Variants in TRPC5 observed in about 807,000 individuals in gnomAD.
TRPC5 encodes the protein short transient receptor potential channel 5.
A neutral mutation model predicts 56.5 loss-of-function variants in TRPC5; 9 were observed. The ratio of observed to expected loss-of-function variants is 0.16; its 90% CI spans 0.10 to 0.28. The LOEUF is 0.28. TRPC5 is among the 10% of genes least tolerant of loss of function. The pLI, the probability that TRPC5 is intolerant of heterozygous loss-of-function variation, is 1.00. For missense variants in TRPC5, 469 were observed against 748.9 expected (o/e 0.63, Z 4.36); for synonymous variants, 282 against 278.5 (o/e 1.01, Z -0.13).
intron 1 of TRPC5, among the ~76,000 whole-genome samples, chrX:111,998,682 T>C (rs1928611746): frequency 9.0e-6 from 1 of 111,623 alleles, no homozygotes; most frequent in African/African-American, 3.3e-5. Flanking sequence ...GGGTCAGAAA[T>C]ACAGTATTCA....
intron 1 of TRPC5, among the ~76,000 whole-genome samples, chrX:112,067,581 C>G (rs935076231): frequency 9.0e-6 from 1 of 111,506 alleles, no homozygotes; most frequent in African/African-American, 3.3e-5. Context: ...CCGTATCTGT[C>G]TGGAGGCTAC....
At chrX:112,071,776 A>T (rs1482986292) in intron 1 of TRPC5, among the ~76,000 whole-genome samples, 1 of 112,190 alleles carries the variant, frequency 8.9e-6, no homozygotes, top group Non-Finnish European at 1.9e-5. Context: ...ACACCAAAAC[A>T]GATGGTAGGC....
At chrX:111,818,492 A>G (rs1207327156) in intron 7 of TRPC5, among the ~76,000 whole-genome samples, 2 of 111,664 alleles carry the variant, frequency 1.8e-5, no homozygotes, top group Admixed American at 9.5e-5. Context: ...AGCCTGGCAC[A>G]AAGTAGGTGT....
At chrX:111,817,298 A>T (rs1266555986) in intron 7 of TRPC5, among the ~76,000 whole-genome samples, 5 of 107,109 alleles carry the variant, frequency 4.7e-5, no homozygotes, top group African/African-American at 1.7e-4. Context: ...TTTTCCTAGC[A>T]CATTCACATA....
intron 1 of TRPC5, among the ~76,000 whole-genome samples, chrX:112,006,357 C>A (rs1253478034): frequency 8.9e-6 from 1 of 111,833 alleles, no homozygotes; most frequent in African/African-American, 3.3e-5. Flanking sequence ...GTAACTAATA[C>A]TTATTTAGTG....
intron 7 of TRPC5, among the ~76,000 whole-genome samples, chrX:111,818,332 AT>A (rs1244575710): frequency 2.7e-5 from 3 of 111,058 alleles, no homozygotes; most frequent in African/African-American, 9.8e-5. Flanking sequence ...CTATTATTCT[AT>A]TTTTTCTCAT....
intron 1 of TRPC5, among the ~76,000 whole-genome samples, chrX:112,030,166 A>G (rs894877309): frequency 8.9e-6 from 1 of 112,734 alleles, no homozygotes; most frequent in South Asian, 3.7e-4. Flanking sequence ...TGTAAAACAG[A>G]GTAGAATTTT....
chrX:111,793,426 T>C (rs1351179882), intron 7 of TRPC5, among the ~76,000 whole-genome samples: 1 of 112,248 alleles, frequency 8.9e-6, no homozygotes, highest in Non-Finnish European at 1.9e-5. Context: ...GATACATAAA[T>C]GGACAACAAG....
intron 7 of TRPC5, among the ~76,000 whole-genome samples, chrX:111,790,256 G>T (rs1260299328): frequency 1.8e-5 from 2 of 111,377 alleles, no homozygotes; most frequent in African/African-American, 6.5e-5. Flanking sequence ...CATGTCCTTT[G>T]CAGGGACATG....
intron 3 of TRPC5, among the ~76,000 whole-genome samples, chrX:111,895,373 AGATT>A (rs1301604151): frequency 8.9e-6 from 1 of 112,011 alleles, no homozygotes; most frequent in Non-Finnish European, 1.9e-5. Context: ...TTTAAAAATT[AGATT>A]GATTATGTTT....
chrX:111,917,082 T>C (rs1277915372), intron 2 of TRPC5, among the ~76,000 whole-genome samples: 2 of 112,634 alleles, frequency 1.8e-5, no homozygotes, highest in African/African-American at 6.4e-5. Context: ...AAATGGGCAG[T>C]GGTAATCATG....
chrX:111,974,133 A>G (rs765900807), intron 1 of TRPC5, among the ~76,000 whole-genome samples: 1 of 112,300 alleles, frequency 8.9e-6, no homozygotes, highest in Non-Finnish European at 1.9e-5. Context: ...AACATATTAT[A>G]TGGTGATTTT....
intron 7 of TRPC5, among the ~76,000 whole-genome samples, chrX:111,820,938 A>G (rs1268361969): frequency 1.8e-5 from 2 of 111,771 alleles, no homozygotes; most frequent in African/African-American, 6.5e-5. Flanking sequence ...GTATTAAGAG[A>G]AAAACCCTGT....
intron 7 of TRPC5, among the ~76,000 whole-genome samples, chrX:111,787,590 A>G (rs1945978418): frequency 9.1e-6 from 1 of 110,423 alleles, no homozygotes; most frequent in Admixed American, 9.7e-5. Context: ...GACAAAAAAA[A>G]AAAAAACCCT....
intron 6 of TRPC5, among the ~76,000 whole-genome samples, chrX:111,842,118 T>TATATATGTATATATATATA (rs1297857397): frequency 1.3e-4 from 11 of 82,698 alleles, no homozygotes; most frequent in African/African-American, 1.0e-3. Context: ...TATATATATA[T>TATATATGTATATATATATA]TTTATATATA....
intron 1 of TRPC5, among the ~76,000 whole-genome samples, chrX:112,046,195 CTT>C (rs369946250): frequency 0.048 from 4,210 of 88,555 alleles, 248 homozygotes; most frequent in African/African-American, 0.16. Context: ...CCACCCCCAC[CTT>C]TTTTTTTTTT....
chrX:111,944,306 G>GAGAA (rs1556592311), intron 2 of TRPC5, among the ~76,000 whole-genome samples: 24 of 87,000 alleles, frequency 2.8e-4, no homozygotes, highest in African/African-American at 1.2e-3. Flanking sequence ...GTGTGTGTGA[G>GAGAA]AGAGAGAGAG....
At chrX:111,972,866 T>C (rs1162440458) in intron 1 of TRPC5, among the ~76,000 whole-genome samples, 2 of 112,435 alleles carry the variant, frequency 1.8e-5, no homozygotes, top group African/African-American at 6.5e-5. Flanking sequence ...TTTTCTTACA[T>C]AAACTGCTGA....
intron 7 of TRPC5, among the ~76,000 whole-genome samples, chrX:111,805,522 A>G (rs1160891970): frequency 1.8e-5 from 2 of 111,553 alleles, no homozygotes; most frequent in African/African-American, 6.5e-5. Context: ...GGGCATGAAG[A>G]GTACTGACAT....
Sources: allele counts gnomAD v4.1 joint callset (sites outside exome capture counted in the v4.1 genomes callset), GRCh38; gene constraint gnomAD v4.1.1; transcripts MANE v1.5; gene names NCBI Gene and HGNC (gene_info 2026-07-23, HGNC 2026-07-21).